Variants in PRKN observed in about 807,000 individuals in gnomAD.
The protein encoded by PRKN is parkin RBR E3 ubiquitin protein ligase.
In PRKN, 56 loss-of-function variants were observed where a neutral mutation model predicts 59.5. The observed-to-expected ratio is 0.94, with a 90% CI of 0.76 to 1.18. PRKN has a LOEUF of 1.18. PRKN is among the 50% of genes most tolerant of loss of function. The pLI is 0.00. For synonymous variants in PRKN, 250 were observed against 222.1 expected (o/e 1.13, Z -1.12); for missense variants, 657 against 596.4 (o/e 1.10, Z -1.06).
intron 4 of PRKN, among the ~76,000 whole-genome samples, chr6:162,103,927 A>T (rs1490633876): frequency 2.0e-5 from 3 of 152,178 alleles, no homozygotes; most frequent in African/African-American, 7.2e-5. Flanking sequence ...TCGGCCTTAT[A>T]CGATTTAAGC....
At chr6:161,653,408 G>A (rs1784222253) in intron 7 of PRKN, among the ~76,000 whole-genome samples, 1 of 152,106 alleles carries the variant, frequency 6.6e-6, no homozygotes, top group African/African-American at 2.4e-5. Context: ...AATCAACAGT[G>A]CTGCATGAAG....
chr6:162,596,310 T>C (rs943366670), intron 1 of PRKN, among the ~76,000 whole-genome samples: 7 of 152,218 alleles, frequency 4.6e-5, no homozygotes, highest in African/African-American at 1.7e-4. Flanking sequence ...TGTTTCACAA[T>C]TATGCTTCAA....
chr6:162,579,089 T>TTTGACATAGCAAATGAA (rs1418029352), intron 1 of PRKN, among the ~76,000 whole-genome samples: 1 of 146,150 alleles, frequency 6.8e-6, no homozygotes, highest in Non-Finnish European at 1.5e-5. Context: ...CATATTCTTC[T>TTTGACATAGCAAATGAA]TTGACATAGC....
chr6:161,497,554 GTC>G lies in PRKN; in HGVS notation c.1083+51298_1083+51299del, dbSNP rs34342732. Among the ~76,000 whole-genome samples, 3,977 of 148,270 alleles carry G rather than the reference GTC, an allele frequency of 0.027. 98 individuals are homozygous for G. The highest frequency in any genetic ancestry group is 0.076 in the Admixed American group (1,133 of 14,862). Reference sequence around the variant, plus strand: ...CTGTGTGTGTGCACAGTGCTTACATGTCTCTCTCTCTCTCTCTCTCTCTCACA... The same window carrying G: ...CTGTGTGTGTGCACAGTGCTTACATGTCTCTCTCTCTCTCTCTCTCTCACA... On this transcript the variant is annotated intron_variant, in intron 9 of 11. Transcript: ENST00000366898. The surrounding 1 kb of genome is among the most constrained non-coding windows in gnomAD (Gnocchi z 4.6).
intron 4 of PRKN, among the ~76,000 whole-genome samples, chr6:162,163,776 A>G (rs1782859661): frequency 6.9e-6 from 1 of 145,948 alleles, no homozygotes; most frequent in Non-Finnish European, 1.5e-5. Context: ...CGCCTTGCAC[A>G]TTTATATCCA....
At chr6:162,425,230 TAA>T (rs1789174564) in intron 2 of PRKN, among the ~76,000 whole-genome samples, 1 of 152,006 alleles carries the variant, frequency 6.6e-6, no homozygotes, top group Non-Finnish European at 1.5e-5. Context: ...AAAATAAACA[TAA>T]AAAAGTAGTT....
intron 4 of PRKN, among the ~76,000 whole-genome samples, chr6:162,064,569 C>T (rs1469506846): frequency 6.6e-6 from 1 of 152,202 alleles, no homozygotes; most frequent in East Asian, 1.9e-4. Flanking sequence ...TAACCTTCAT[C>T]ATCAGGCTAC....
chr6:161,942,725 G>C (rs1779610917), intron 6 of PRKN, among the ~76,000 whole-genome samples: 1 of 152,066 alleles, frequency 6.6e-6, no homozygotes, highest in Admixed American at 6.6e-5. Flanking sequence ...GAGTAAATGG[G>C]AGAAGACTGT....
intron 7 of PRKN, among the ~76,000 whole-genome samples, chr6:161,619,147 G>C (rs550468865): frequency 6.0e-5 from 9 of 151,196 alleles, no homozygotes; most frequent in Admixed American, 3.3e-4. Context: ...AGGTAGCAAG[G>C]ACACAGATTG....
At chr6:162,637,262 T>G (rs1777755932) in intron 1 of PRKN, among the ~76,000 whole-genome samples, 1 of 66,726 alleles carries the variant, frequency 1.5e-5, no homozygotes, top group Non-Finnish European at 2.8e-5. Flanking sequence ...GTCTGCCACC[T>G]CCTCCCACCC....
chr6:162,664,244 T>C lies in PRKN; in HGVS notation c.7+63418A>G, dbSNP rs895119056. 5.3e-5 allele frequency among the ~76,000 whole-genome samples: 8 copies of C among 152,198 alleles called. No individual in the cohort carries two copies. In the South Asian group the frequency reaches 1.7e-3, roughly 31 times the overall value. On this transcript the variant is annotated intron_variant, in intron 1 of 11. Coordinates refer to ENST00000366898, the MANE Select transcript of PRKN (RefSeq NM_004562.3). ...GATTTCATTCTTTTTTATGGCTGCA[T>C]AGTATTCCATGGTGTATACGTACCG...
rs545883991 is a variant in PRKN at position 162,539,960 on chromosome 6, T to C, written c.8-96487A>G. Among the ~76,000 whole-genome samples, 32 of 152,336 alleles carry C rather than the reference T, an allele frequency of 2.1e-4. 1 individual carries two copies. The South Asian group carries it at 4.1e-3, about 20-fold the overall frequency. On this transcript the variant is annotated intron_variant, in intron 1 of 11. Transcript: ENST00000366898. ...TGTTTTGAGATGGAGTCTCCCTCTG[T>C]CGCCCAGGCTAGAGTGCAATGGCCT...
intron 4 of PRKN, among the ~76,000 whole-genome samples, chr6:162,103,310 T>C (rs1184081208): frequency 6.6e-6 from 1 of 152,080 alleles, no homozygotes; most frequent in African/African-American, 2.4e-5. Context: ...AGTATACATA[T>C]GAAACAGAAT....
intron 4 of PRKN, among the ~76,000 whole-genome samples, chr6:162,138,406 C>T (rs1322665042): frequency 2.6e-5 from 4 of 152,096 alleles, no homozygotes; most frequent in Admixed American, 2.6e-4. Flanking sequence ...GAATTGATGT[C>T]GACTAGCTCA....
intron 6 of PRKN, among the ~76,000 whole-genome samples, chr6:161,830,464 G>A (rs1384495399): frequency 6.6e-6 from 1 of 152,056 alleles, no homozygotes; most frequent in Non-Finnish European, 1.5e-5. Context: ...GTGTTAGCCA[G>A]GATGGTCTCG....
At chr6:161,800,881 C>T (rs970485588) in intron 6 of PRKN, among the ~76,000 whole-genome samples, 6 of 152,148 alleles carry the variant, frequency 3.9e-5, no homozygotes, top group South Asian at 2.1e-4. Context: ...AGTGCTTTCT[C>T]GGCATCACTA....
chr6:162,266,298 TTGTGTGTG>T (rs60841593), intron 2 of PRKN, among the ~76,000 whole-genome samples: 17,756 of 146,110 alleles, frequency 0.12, 1,132 homozygotes, highest in South Asian at 0.26. Flanking sequence ...TACATATATA[TTGTGTGTG>T]TGTGTGTGTG....
chr6:161,587,959 A>C (rs900937572), intron 7 of PRKN, among the ~76,000 whole-genome samples: 6 of 152,208 alleles, frequency 3.9e-5, no homozygotes, highest in Admixed American at 2.6e-4. Flanking sequence ...AGAAGCATAT[A>C]TTGCTGTCTG....
intron 2 of PRKN, among the ~76,000 whole-genome samples, chr6:162,301,281 C>T (rs1264036993): frequency 6.6e-6 from 1 of 152,106 alleles, no homozygotes. Flanking sequence ...GGCCATTTAA[C>T]CCCCAAGGCT....
Sources: allele counts gnomAD v4.1 joint callset (sites outside exome capture counted in the v4.1 genomes callset), GRCh38; gene constraint gnomAD v4.1.1; non-coding constraint Gnocchi (gnomAD v3.1); transcripts MANE v1.5; gene names NCBI Gene and HGNC (gene_info 2026-07-23, HGNC 2026-07-21).